Variants in TRIM24 observed in about 807,000 individuals in gnomAD.
The protein encoded by TRIM24 is transcription intermediary factor 1-alpha.
A neutral mutation model predicts 123.9 loss-of-function variants in TRIM24; 29 were observed. That is an observed-to-expected ratio of 0.23 (90% CI 0.17 to 0.32). TRIM24 has a LOEUF of 0.32. Among genes scored for constraint, TRIM24 ranks in the 10% least tolerant of loss-of-function variants. The probability of loss-of-function intolerance (pLI) is 1.00; values close to 1 mark genes in which losing one functional copy is unlikely to be tolerated. For missense variants in TRIM24, 932 were observed against 1,295.3 expected, an observed-to-expected ratio of 0.72 and a Z score of 4.31; for synonymous variants, 456 against 461.1, an observed-to-expected ratio of 0.99 and a Z score of 0.14.
Position 138,529,241 on chromosome 7 carries a change from GC to G in TRIM24, c.996+14del. 7.4e-7 allele frequency: 1 copy of G among 1,348,352 alleles called. No individual in the cohort carries two copies. Among genetic ancestry groups the G allele is most frequent in the Non-Finnish European group, 1.0e-6 (1 of 985,756 alleles). The allele number at this position is 1,348,352 out of a possible 1,614,324, so 83.5% of individuals were successfully genotyped here. ...CTGCATCAGTTAGAGGTAAGTGACT[GC>G]CCATGGGATAGTATATTGATTCAAC... On this transcript the variant is annotated intron_variant, in intron 6 of 18. Coordinates refer to ENST00000343526, the MANE Select transcript of TRIM24 (RefSeq NM_015905.3).
intron 1 of TRIM24, among the ~76,000 whole-genome samples, chr7:138,464,496 G>T (rs573949512): frequency 6.6e-6 from 1 of 151,904 alleles, no homozygotes; most frequent in Non-Finnish European, 1.5e-5. Context: ...CAGGGGGGCA[G>T]ACTCTTCTTA....
chr7:138,533,442 C>T (rs1230671299), intron 6 of TRIM24, among the ~76,000 whole-genome samples: 1 of 152,188 alleles, frequency 6.6e-6, no homozygotes, highest in Admixed American at 6.5e-5. Context: ...TGAATTTTGT[C>T]AAAGGCCTTT....
At chr7:138,555,242 C>G (rs1052001939) in intron 9 of TRIM24, among the ~76,000 whole-genome samples, 1 of 152,020 alleles carries the variant, frequency 6.6e-6, no homozygotes, top group Non-Finnish European at 1.5e-5. Context: ...TAACCCAGGC[C>G]TGTGATTGAT....
intron 1 of TRIM24, among the ~76,000 whole-genome samples, chr7:138,468,607 A>G (rs1247060936): frequency 6.6e-6 from 1 of 151,946 alleles, no homozygotes; most frequent in Non-Finnish European, 1.5e-5. Flanking sequence ...ATCCATTTAT[A>G]TTTTATGTAA....
At position 138,491,575 on chromosome 7, in the gene TRIM24, C is replaced by T. The variant is rs116203315; in HGVS notation, c.365-12715C>T. On this transcript the variant is annotated intron_variant, in intron 1 of 18. Coordinates refer to ENST00000343526, the MANE Select transcript of TRIM24 (RefSeq NM_015905.3). Reference sequence around the variant, plus strand: ...AAGGGTATAGCACATTTTATTTACACATTGATCTTTTAGTGGATATTTAGG... The same window carrying T: ...AAGGGTATAGCACATTTTATTTACATATTGATCTTTTAGTGGATATTTAGG... 6.8e-3 allele frequency among the ~76,000 whole-genome samples: 1,039 copies of T among 152,230 alleles called. 16 individuals carry two copies. Among genetic ancestry groups the T allele is most frequent in the African/African-American group, 0.024 (981 of 41,544 alleles).
At chr7:138,558,780 G>T (rs1206447531) in intron 9 of TRIM24, among the ~76,000 whole-genome samples, 1 of 152,234 alleles carries the variant, frequency 6.6e-6, no homozygotes, top group Non-Finnish European at 1.5e-5. Context: ...CTCTAAGATG[G>T]TGAGATGTGC....
chr7:138,566,390 C>G (rs1797536653), intron 9 of TRIM24, among the ~76,000 whole-genome samples: 1 of 152,072 alleles, frequency 6.6e-6, no homozygotes, highest in Admixed American at 6.5e-5. Context: ...GTGGGGCATT[C>G]CTGTAATTCC....
intron 1 of TRIM24, among the ~76,000 whole-genome samples, chr7:138,493,172 A>G (rs1229481232): frequency 1.3e-5 from 2 of 152,116 alleles, no homozygotes; most frequent in Non-Finnish European, 2.9e-5. Context: ...AGTTTCTTTT[A>G]TCTCACTGAG....
intron 1 of TRIM24, among the ~76,000 whole-genome samples, chr7:138,493,221 G>A (rs904114840): frequency 6.7e-5 from 10 of 150,332 alleles, no homozygotes; most frequent in African/African-American, 1.5e-4. Context: ...TTGACTAGTC[G>A]TTTCACTGTC....
intron 9 of TRIM24, among the ~76,000 whole-genome samples, chr7:138,560,702 G>T (rs1405763427): frequency 6.6e-6 from 1 of 152,136 alleles, no homozygotes; most frequent in Non-Finnish European, 1.5e-5. Context: ...AAATTTGGGG[G>T]TCACTATTTC....
Position 138,460,323 on chromosome 7 carries a change from C to A in TRIM24, c.-226C>A. ...GGTGCAGCCTCCCCGGTGCGAGGAA[C>A]GGTCTCCGCTGACAGATACCCTCCT... On this transcript the variant is annotated 5_prime_UTR_variant, in exon 1 of 19. Transcript: ENST00000343526. The A allele has an allele frequency of 2.4e-6, 1 of 411,888 alleles. No homozygotes were observed. Among genetic ancestry groups the A allele is most frequent in the Non-Finnish European group, 4.1e-6 (1 of 241,384 alleles). 25.5% of individuals were successfully genotyped at this position (411,888 alleles called of 1,614,324 possible).
At position 138,586,074 on chromosome 7, in the gene TRIM24, T is replaced by G. The variant is rs1458897602; in HGVS notation, c.*1123T>G. On this transcript the variant is annotated 3_prime_UTR_variant, in exon 19 of 19. Coordinates refer to ENST00000343526, the MANE Select transcript of TRIM24 (RefSeq NM_015905.3). ...AGAACATCAAACTTAATCTTTGATC[T>G]GACTTCTGATTTTATTCTTCTGATT... 6 of 410,134 alleles carry G rather than the reference T, an allele frequency of 1.5e-5. No homozygotes were observed. The highest frequency in any genetic ancestry group is 2.9e-5 in the Non-Finnish European group (6 of 209,554). The allele number at this position is 410,134 out of a possible 1,614,324, so 25.4% of individuals were successfully genotyped here.
At chr7:138,517,088 G>T (rs538429322) in intron 3 of TRIM24, among the ~76,000 whole-genome samples, 81 of 150,830 alleles carry the variant, frequency 5.4e-4, no homozygotes, top group African/African-American at 1.9e-3. Context: ...CTGCGCGACA[G>T]TGTGAGATCC....
At chr7:138,524,265 G>A (rs534552474) in intron 4 of TRIM24, among the ~76,000 whole-genome samples, 5 of 152,000 alleles carry the variant, frequency 3.3e-5, no homozygotes, top group South Asian at 2.1e-4. Context: ...AGCAGAAAAC[G>A]TACTTAATAT....
chr7:138,505,509 GGTT>G (rs59585473), intron 2 of TRIM24, among the ~76,000 whole-genome samples: 7,585 of 143,858 alleles, frequency 0.053, 224 homozygotes, highest in South Asian at 0.088. Context: ...TGGGGGTGGT[GGTT>G]GTTGTTGTTG....
At chr7:138,523,692 A>C (rs1409153462) in intron 4 of TRIM24, among the ~76,000 whole-genome samples, 1 of 139,778 alleles carries the variant, frequency 7.2e-6, no homozygotes, top group African/African-American at 2.6e-5. Context: ...CAGAGCTTCC[A>C]GTGAGCCGAG....
At position 138,460,867 on chromosome 7, in the gene TRIM24, GC is replaced by G. The variant is rs1464514240; in HGVS notation, c.324del (p.Gly109AlafsTer32). 11 of 1,546,168 alleles carry G rather than the reference GC, an allele frequency of 7.1e-6. No homozygotes were observed. Among genetic ancestry groups the G allele is most frequent in the East Asian group, 5.2e-5 (2 of 38,434 alleles). ...GSAETPPPVPAPGSPVSGSSP... is the reference protein window; with the variant it reads ...GSAETPPPVPXPGSPVSGSSP... ...GGCCGAGACCCCGCCACCCGTCCCT[GC>G]CCCCGGCTCGCCGGTCAGCGGCTCG... On this transcript the variant is annotated frameshift_variant, in exon 1 of 19. Coordinates refer to ENST00000343526, the MANE Select transcript of TRIM24 (RefSeq NM_015905.3). LOFTEE classifies it high-confidence loss of function.
Position 138,537,379 on chromosome 7 carries a change from G to GTTTTTTTTTTTTTTTTT in TRIM24, c.997-1265_997-1249dup, listed in dbSNP as rs71177994. ...AACCACTCCTCCGCCACCCCTGTTT[G>GTTTTTTTTTTTTTTTTT]TTTTTTTTTTTTTTTTTTTTTTTTT... On this transcript the variant is annotated intron_variant, in intron 6 of 18. Transcript: ENST00000343526. 8.8e-5 allele frequency among the ~76,000 whole-genome samples: 5 copies of GTTTTTTTTTTTTTTTTT among 56,642 alleles called. 1 individual carries two copies. The highest frequency in any genetic ancestry group is 9.2e-5 in the Non-Finnish European group (3 of 32,628). 37.2% of individuals were successfully genotyped at this position (56,642 alleles called of 152,430 possible).
At chr7:138,567,348 T>A in intron 9 of TRIM24, 133 bp from the exon 10 acceptor site, 8 of 734,532 alleles carry the variant, frequency 1.1e-5, no homozygotes, top group Middle Eastern at 3.0e-4. Flanking sequence ...CCTCATTCCC[T>A]TATGTAAATC....
Sources: allele counts gnomAD v4.1 joint callset (sites outside exome capture counted in the v4.1 genomes callset), GRCh38; gene constraint gnomAD v4.1.1; transcripts MANE v1.5; gene names NCBI Gene and HGNC (gene_info 2026-07-23, HGNC 2026-07-21).